SEMA3A: variants seen among roughly 807,000 people sequenced by gnomAD.
SEMA3A encodes the protein semaphorin 3A.
A neutral mutation model predicts 97.9 loss-of-function variants in SEMA3A; 29 were observed. That is an observed-to-expected ratio of 0.30 (90% CI 0.22 to 0.40). The LOEUF is 0.40. Ranked by LOEUF, SEMA3A falls within the 10% of genes least tolerant of loss-of-function variation. The probability of loss-of-function intolerance (pLI) is 1.00; values close to 1 mark genes in which losing one functional copy is unlikely to be tolerated. For synonymous variants in SEMA3A, 321 were observed against 323.7 expected (o/e 0.99, Z 0.09); for missense variants, 763 against 951.3 (o/e 0.80, Z 2.60).
intron 3 of SEMA3A, among the ~76,000 whole-genome samples, chr7:84,210,224 G>T (rs145039697): frequency 6.6e-6 from 1 of 152,098 alleles, no homozygotes; most frequent in Non-Finnish European, 1.5e-5. Flanking sequence ...CCAATCTAAT[G>T]AGGGAAAGAG....
intron 1 of SEMA3A, among the ~76,000 whole-genome samples, chr7:84,154,691 C>CAAAAAAAAAAAAAAAAAA (rs76502594): frequency 1.8e-5 from 2 of 108,432 alleles, no homozygotes; most frequent in Non-Finnish European, 4.1e-5. Flanking sequence ...AAAAAAAAAA[C>CAAAAAAAAAAAAAAAAAA]AAAAAAAAAA....
chr7:84,091,197 AAAGAAAGAAAGAAAGAAAAGAAAAG>A (rs1424359914), intron 4 of SEMA3A, among the ~76,000 whole-genome samples: 1 of 78,800 alleles, frequency 1.3e-5, no homozygotes, highest in East Asian at 3.7e-4. Flanking sequence ...AGAAAGAAAG[AAAGAAAGAAAGAAAGAAAAGAAAAG>A]AAAGAAAAGA....
intron 2 of SEMA3A, among the ~76,000 whole-genome samples, chr7:84,316,620 A>G (rs899065628): frequency 3.9e-5 from 6 of 152,154 alleles, no homozygotes; most frequent in African/African-American, 1.4e-4. Flanking sequence ...AGAAAGAGAA[A>G]GAGAGATTTA....
At chr7:84,050,355 T>G (rs1335433021) in intron 5 of SEMA3A, among the ~76,000 whole-genome samples, 4 of 152,198 alleles carry the variant, frequency 2.6e-5, no homozygotes, top group Non-Finnish European at 5.9e-5. Flanking sequence ...TTTCTCCACA[T>G]GCTCTCCAGC....
At chr7:84,144,076 A>G (rs1796394789) in intron 1 of SEMA3A, among the ~76,000 whole-genome samples, 1 of 151,822 alleles carries the variant, frequency 6.6e-6, no homozygotes, top group African/African-American at 2.4e-5. Flanking sequence ...GAAAGGTATG[A>G]ATACCAGACT....
chr7:84,408,217 C>G (rs1001514086), intron 1 of SEMA3A, among the ~76,000 whole-genome samples: 2 of 152,144 alleles, frequency 1.3e-5, no homozygotes, highest in African/African-American at 4.8e-5. Context: ...ACAACCCCAT[C>G]AACAAGTGGG....
intron 3 of SEMA3A, among the ~76,000 whole-genome samples, chr7:84,228,777 A>C (rs769679993): frequency 6.6e-5 from 10 of 152,076 alleles, no homozygotes; most frequent in Non-Finnish European, 1.2e-4. Flanking sequence ...GGCTGACTGC[A>C]ACCTTCCTGT....
At chr7:84,197,388 T>C (rs984895620), upstream of SEMA3A, among the ~76,000 whole-genome samples, 2 of 152,116 alleles carry the variant, frequency 1.3e-5, no homozygotes, top group Non-Finnish European at 2.9e-5. Flanking sequence ...CCTAGACTGA[T>C]TAAATTATAA....
At chr7:84,472,446 G>C (rs192588511) in intron 1 of SEMA3A, among the ~76,000 whole-genome samples, 1 of 152,080 alleles carries the variant, frequency 6.6e-6, no homozygotes, top group Non-Finnish European at 1.5e-5. Flanking sequence ...TTAGTGCTTC[G>C]TGCTTCGTAT....
chr7:84,054,778 C>G (rs1056689293), intron 5 of SEMA3A, among the ~76,000 whole-genome samples: 19 of 147,276 alleles, frequency 1.3e-4, no homozygotes, highest in Non-Finnish European at 2.2e-4. Flanking sequence ...AGGAGAGGCG[C>G]TCTGCTTTTT....
intron 6 of SEMA3A, among the ~76,000 whole-genome samples, chr7:84,019,987 C>T (rs553814344): frequency 1.3e-5 from 2 of 149,942 alleles, no homozygotes; most frequent in African/African-American, 2.4e-5. Context: ...GAAGTAATCA[C>T]CTAGTGTTTC....
At chr7:84,354,177 C>T (rs1229100108) in intron 2 of SEMA3A, among the ~76,000 whole-genome samples, 1 of 151,360 alleles carries the variant, frequency 6.6e-6, no homozygotes, top group Non-Finnish European at 1.5e-5. Flanking sequence ...AAGAGATATA[C>T]TAAAAAGAAT....
chr7:84,456,062 A>G (rs1427069045), intron 1 of SEMA3A, among the ~76,000 whole-genome samples: 2 of 151,970 alleles, frequency 1.3e-5, no homozygotes, highest in African/African-American at 2.4e-5. Context: ...GCCTTAAAGT[A>G]GATTTAACAC....
intron 5 of SEMA3A, among the ~76,000 whole-genome samples, chr7:84,050,315 A>C (rs1444351373): frequency 2.0e-5 from 3 of 152,218 alleles, no homozygotes; most frequent in Non-Finnish European, 4.4e-5. Context: ...ACTAGTTTAC[A>C]GTCCCACCAA....
intron 2 of SEMA3A, among the ~76,000 whole-genome samples, chr7:84,309,734 T>C (rs1037847870): frequency 6.6e-5 from 10 of 152,198 alleles, no homozygotes; most frequent in Non-Finnish European, 1.0e-4. Flanking sequence ...TCTGTATTGG[T>C]AATATTTTAT....
intron 2 of SEMA3A, among the ~76,000 whole-genome samples, chr7:84,353,787 C>T (rs1802490571): frequency 6.6e-6 from 1 of 151,566 alleles, no homozygotes; most frequent in Non-Finnish European, 1.5e-5. Flanking sequence ...TGGATAATCA[C>T]AATGTTAAAA....
At chr7:84,177,420 A>C (rs2116225099) in intron 1 of SEMA3A, among the ~76,000 whole-genome samples, 1 of 152,246 alleles carries the variant, frequency 6.6e-6, no homozygotes, top group Admixed American at 6.5e-5. Context: ...TTGTTAAACA[A>C]GGTAAAACAC....
chr7:83,987,529 G>A (rs1789687280), intron 12 of SEMA3A, among the ~76,000 whole-genome samples: 2 of 152,164 alleles, frequency 1.3e-5, no homozygotes, highest in African/African-American at 4.8e-5. Context: ...GGCAGCTGAG[G>A]CATCTCACGT....
intron 4 of SEMA3A, among the ~76,000 whole-genome samples, chr7:84,062,792 G>A (rs140365808): frequency 0.047 from 7,175 of 152,208 alleles, 283 homozygotes; most frequent in East Asian, 0.19. Context: ...CTCGCTGATT[G>A]CTAGCACAGC....
Sources: allele counts gnomAD v4.1 joint callset (sites outside exome capture counted in the v4.1 genomes callset), GRCh38; gene constraint gnomAD v4.1.1; transcripts MANE v1.5; gene names NCBI Gene and HGNC (gene_info 2026-07-23, HGNC 2026-07-21).